The following FAT3 variants were observed in gnomAD, a reference collection of about 807,000 sequenced individuals.
The protein encoded by FAT3 is protocadherin Fat 3.
A neutral mutation model predicts 310.2 loss-of-function variants in FAT3; 95 were observed. The ratio of observed to expected loss-of-function variants is 0.31; its 90% confidence interval spans 0.26 to 0.36. The LOEUF (loss-of-function observed/expected upper bound fraction) is 0.36, where lower values mean the gene tolerates loss of function less well. Ranked by LOEUF, FAT3 falls within the 10% of genes least tolerant of loss-of-function variation. The pLI, the probability that FAT3 is intolerant of heterozygous loss-of-function variation, is 1.00. For synonymous variants in FAT3, 2,314 were observed against 2,192.9 expected, an observed-to-expected ratio of 1.06 and a Z score of -1.54; for missense variants, 5,408 against 5,715.6, an observed-to-expected ratio of 0.95 and a Z score of 1.74.
rs1007076517 is a variant in FAT3, at chr11:92,896,002, T to A, written c.*4889T>A. ...TTCAAAATGTACTGTAACCTTTCTT[T>A]GGTTCTTACTGTTTTCATTTAACTT... On this transcript the variant is annotated 3_prime_UTR_variant, in exon 28 of 28. Transcript: ENST00000525166. 26 of 152,224 alleles carry A rather than the reference T, an allele frequency of 1.7e-4. No homozygotes were observed. The highest frequency in any genetic ancestry group is 6.0e-4 in the African/African-American group (25 of 41,454). 9.4% of individuals were successfully genotyped at this position (152,224 alleles called of 1,614,324 possible).
chr11:92,496,721 G>A (rs1302512626), intron 2 of FAT3, among the ~76,000 whole-genome samples: 4 of 152,028 alleles, frequency 2.6e-5, no homozygotes, highest in African/African-American at 9.7e-5. Flanking sequence ...AAGGAAGGAA[G>A]GAATGATGCC....
intron 3 of FAT3, among the ~76,000 whole-genome samples, chr11:92,676,021 C>T (rs1388299715): frequency 2.0e-5 from 3 of 152,084 alleles, no homozygotes; most frequent in Middle Eastern, 3.4e-3. Context: ...CTGCCAACAT[C>T]TAATAATAGG....
At chr11:92,599,265 G>C (rs1202803086) in intron 3 of FAT3, among the ~76,000 whole-genome samples, 1 of 152,134 alleles carries the variant, frequency 6.6e-6, no homozygotes, top group Non-Finnish European at 1.5e-5. Flanking sequence ...TACAATCATT[G>C]TGGAAGGAAG....
At chr11:92,828,980 C>T (rs1439876130) in intron 13 of FAT3, among the ~76,000 whole-genome samples, 3 of 152,204 alleles carry the variant, frequency 2.0e-5, no homozygotes, top group East Asian at 1.9e-4. Flanking sequence ...CTGCGGAGAG[C>T]GGCAGCGTGC....
At chr11:92,887,675 G>A (rs1193151360) in intron 25 of FAT3, among the ~76,000 whole-genome samples, 4 of 152,194 alleles carry the variant, frequency 2.6e-5, no homozygotes, top group Admixed American at 6.5e-5. Context: ...GCAATTTCTC[G>A]TGGTTCACAG....
chr11:92,562,813 G>C (rs1955281440), intron 3 of FAT3, among the ~76,000 whole-genome samples: 1 of 152,146 alleles, frequency 6.6e-6, no homozygotes, highest in South Asian at 2.1e-4. Context: ...AAATTTGCCT[G>C]GATTTTTCTT....
chr11:92,232,073 G>A (rs1309959787), intron 1 of FAT3, among the ~76,000 whole-genome samples: 3 of 152,170 alleles, frequency 2.0e-5, no homozygotes, highest in Non-Finnish European at 4.4e-5. Flanking sequence ...GGTGAGCAGT[G>A]TGTTATGTGA....
chr11:92,492,450 T>A (rs1952636122), intron 2 of FAT3, among the ~76,000 whole-genome samples: 1 of 152,102 alleles, frequency 6.6e-6, no homozygotes, highest in Non-Finnish European at 1.5e-5. Flanking sequence ...AAGGTTGTAT[T>A]CTGTACCAGA....
chr11:92,414,401 C>T (rs1423121832), intron 2 of FAT3, among the ~76,000 whole-genome samples: 3 of 152,148 alleles, frequency 2.0e-5, no homozygotes, highest in African/African-American at 7.2e-5. Flanking sequence ...ATACAGAGTA[C>T]TTTAAGTCAA....
chr11:92,871,308 GCCTGTACCCTTAAC>G (rs1284782532), intron 22 of FAT3, among the ~76,000 whole-genome samples: 1 of 152,126 alleles, frequency 6.6e-6, no homozygotes, highest in Non-Finnish European at 1.5e-5. Flanking sequence ...TTCCCCACCA[GCCTGTACCCTTAAC>G]CCTTGCTACT....
rs141330143 is a variant in FAT3 at position 92,696,305 on chromosome 11, A to G, written c.3608-1079A>G. Among the ~76,000 whole-genome samples the G allele has an allele frequency of 2.9e-3, 435 of 152,236 alleles. 1 individual carries two copies. The highest frequency in any genetic ancestry group is 9.9e-3 in the African/African-American group (411 of 41,550). On this transcript the variant is annotated intron_variant, in intron 3 of 27. Transcript: ENST00000525166. ...AGGAGGGGCTAGCTTGTAAACAGCC[A>G]TGTTACTCTGAGTGGGATATTATTC... is the stretch of plus-strand genomic sequence containing the variant.
At chr11:92,837,549 C>T in intron 16 of FAT3, 114 bp from the exon 17 acceptor site, 3 of 1,299,168 alleles carry the variant, frequency 2.3e-6, no homozygotes, top group Non-Finnish European at 3.2e-6. Context: ...GAAAATCAAA[C>T]TAAAGATGGT....
At chr11:92,458,071 A>G (rs1016615326) in intron 2 of FAT3, among the ~76,000 whole-genome samples, 1 of 152,250 alleles carries the variant, frequency 6.6e-6, no homozygotes, top group Admixed American at 6.5e-5. Context: ...GCTTATGCCC[A>G]GAAGAAAACT....
chr11:92,285,278 C>T (rs1349078951), intron 1 of FAT3, among the ~76,000 whole-genome samples: 14 of 61,870 alleles, frequency 2.3e-4, no homozygotes, highest in Non-Finnish European at 3.3e-4. Flanking sequence ...CTTCTAAAAA[C>T]AGTTTTTCTA....
intron 3 of FAT3, among the ~76,000 whole-genome samples, chr11:92,610,485 G>T (rs145836267): frequency 9.2e-4 from 140 of 152,182 alleles, no homozygotes; most frequent in African/African-American, 2.7e-3. Context: ...CAGTTGTATA[G>T]TTTAGACCAA....
chr11:92,602,711 T>C (rs1024058136), intron 3 of FAT3, among the ~76,000 whole-genome samples: 5 of 152,230 alleles, frequency 3.3e-5, no homozygotes, highest in African/African-American at 1.2e-4. Flanking sequence ...TCTGCCTGTT[T>C]GCTTTGTTGT....
At chr11:92,501,841 C>T (rs1952949011) in intron 2 of FAT3, among the ~76,000 whole-genome samples, 2 of 151,910 alleles carry the variant, frequency 1.3e-5, no homozygotes, top group South Asian at 4.1e-4. Context: ...TTGACATGTG[C>T]AAATTAATAA....
intron 3 of FAT3, among the ~76,000 whole-genome samples, chr11:92,646,116 T>C (rs1942156867): frequency 6.6e-6 from 1 of 152,188 alleles, no homozygotes; most frequent in Admixed American, 6.5e-5. Context: ...CAGGCAGGAA[T>C]TGGATGAGAA....
intron 2 of FAT3, among the ~76,000 whole-genome samples, chr11:92,482,764 C>G (rs1952267689): frequency 6.6e-6 from 1 of 152,222 alleles, no homozygotes; most frequent in Admixed American, 6.5e-5. Context: ...TGTGCCGACA[C>G]CCTTCCTCAA....
Sources: gnomAD v4.1 joint callset for allele counts (sites outside exome capture counted in the v4.1 genomes callset) on GRCh38, gnomAD v4.1.1 for gene constraint, MANE v1.5 for transcripts, NCBI Gene and HGNC (gene_info 2026-07-23, HGNC 2026-07-21) for gene names.